Variants in ALDH4A1 observed in about 807,000 individuals in gnomAD.
ALDH4A1 encodes the protein delta-1-pyrroline-5-carboxylate dehydrogenase, mitochondrial.
In ALDH4A1, 46 loss-of-function variants were observed where a neutral mutation model predicts 70.5. The observed-to-expected ratio is 0.65, with a 90% CI of 0.51 to 0.83. The LOEUF is 0.83. Ranked by LOEUF, ALDH4A1 falls within the 40% of genes least tolerant of loss-of-function variation. ALDH4A1 has a pLI of 0.00. For synonymous variants in ALDH4A1, 323 were observed against 324.3 expected, an observed-to-expected ratio of 1.00 and a Z score of 0.04; for missense variants, 749 against 766.5, an observed-to-expected ratio of 0.98 and a Z score of 0.27.
chr1:18,872,721 C>A lies in ALDH4A1; in HGVS notation c.*124G>T, dbSNP rs1392288927. 4 of 749,522 alleles carry A rather than the reference C, an allele frequency of 5.3e-6. No individual in the cohort carries two copies. The highest frequency in any genetic ancestry group is 9.1e-6 in the Non-Finnish European group (4 of 439,136). The allele number at this position is 749,522 out of a possible 1,614,324, so 46.4% of individuals were successfully genotyped here. The stretch of plus-strand genomic sequence containing the variant: ...CAGAATACAGTGGTAAGAAGGGAGT[C>A]AAGCCCGGATTATAGAAAGGCAGCT... On this transcript the variant is annotated 3_prime_UTR_variant, in exon 15 of 15. Transcript: ENST00000375341.
chr1:18,895,137 G>A (rs1302356822), intron 1 of ALDH4A1, among the ~76,000 whole-genome samples: 1 of 152,160 alleles, frequency 6.6e-6, no homozygotes, highest in East Asian at 1.9e-4. Flanking sequence ...CGTTTTCCAA[G>A]CACCCAGGAA....
intron 1 of ALDH4A1, among the ~76,000 whole-genome samples, chr1:18,894,310 G>A (rs1935542073): frequency 6.6e-6 from 1 of 152,358 alleles, no homozygotes; most frequent in African/African-American, 2.4e-5. Context: ...GGAGGCTGAG[G>A]TGGGCGGATT....
In ALDH4A1 at chr1:18,887,986, G is replaced by C. The variant is rs74056678; in HGVS notation, c.249+1376C>G. Among the ~76,000 whole-genome samples the C allele has an allele frequency of 6.6e-3, 1,001 of 152,288 alleles. 13 individuals are homozygous for C. Among genetic ancestry groups the C allele is most frequent in the African/African-American group, 0.022 (921 of 41,546 alleles). On this transcript the variant is annotated intron_variant, in intron 3 of 14. Coordinates refer to ENST00000375341, the MANE Select transcript of ALDH4A1 (RefSeq NM_003748.4). ...AAATTTCACTTCTTTCCTTCCTAGG[G>C]CTGGCAAGATAGTTTATATCGTAAT...
Position 18,876,339 on chromosome 1 carries a change from G to C in ALDH4A1, c.1314C>G (p.Asp438Glu), listed in dbSNP as rs1330438587. 10 of 1,613,918 alleles carry C rather than the reference G, an allele frequency of 6.2e-6. No homozygotes were observed. The highest frequency in any genetic ancestry group is 8.5e-6 in the Non-Finnish European group (10 of 1,180,002). ...FVEPCIVESKDPQEPIMKEEI... is the reference protein window; with the variant it reads ...FVEPCIVESKEPQEPIMKEEI... ...CCTCCTTCATGATGGGCTCCTGAGG[G>C]TCCTTGCTCTCCACGATGCAGGGCT... Residue 438 changes from aspartate (D) to glutamate (E), a missense_variant, in exon 12 of 15, where the codon GAC (aspartate) becomes GAG (glutamate). Transcript: ENST00000375341.
intron 3 of ALDH4A1, among the ~76,000 whole-genome samples, chr1:18,888,074 A>T (rs1935289347): frequency 6.6e-6 from 1 of 152,238 alleles, no homozygotes; most frequent in Non-Finnish European, 1.5e-5. Context: ...TGTCTAAAAG[A>T]GTAGCCACGA....
chr1:18,884,471 T>A (rs922620051), intron 5 of ALDH4A1, among the ~76,000 whole-genome samples: 1 of 151,778 alleles, frequency 6.6e-6, no homozygotes, highest in Non-Finnish European at 1.5e-5. Context: ...TAACCCTTTC[T>A]CCCTCGACTC....
chr1:18,885,559 C>A lies in ALDH4A1; in HGVS notation c.367G>T (p.Asp123Tyr), dbSNP rs1935166925. 6.2e-7 allele frequency: 1 copy of A among 1,613,120 alleles called. No individual in the cohort carries two copies. Among genetic ancestry groups the A allele is most frequent in the Non-Finnish European group, 8.5e-7 (1 of 1,179,710 alleles). Reference protein sequence around the residue: ...RKEWDLKPIADRAQIFLKAAD... With the variant: ...RKEWDLKPIAYRAQIFLKAAD... Reference sequence around the variant, plus strand: ...GCCTTCAGGAAGATCTGGGCCCGGTCTGCAATAGGCTTCAGGTCCCACTCT... The same window carrying A: ...GCCTTCAGGAAGATCTGGGCCCGGTATGCAATAGGCTTCAGGTCCCACTCT... The change falls in exon 5 of 15, where the codon GAC becomes TAC. Residue 123 changes from aspartate to tyrosine, a missense_variant. Asp to Tyr is a radical substitution (Grantham distance 160, BLOSUM62 -3). Coordinates refer to ENST00000375341, the MANE Select transcript of ALDH4A1 (RefSeq NM_003748.4).
Position 18,880,141 on chromosome 1 carries a change from G to T in ALDH4A1, c.867-768C>A, listed in dbSNP as rs2100567776. 6.6e-6 allele frequency among the ~76,000 whole-genome samples: 1 copy of T among 152,262 alleles called. No homozygotes were observed. The highest frequency in any genetic ancestry group is 1.9e-4 in the East Asian group (1 of 5,164). The stretch of plus-strand genomic sequence containing the variant: ...TTTTGGAAAACGGCCCTTCTCAGCA[G>T]TTCTAACGCTGCCACCACCCACTCC... On this transcript the variant is annotated intron_variant, in intron 8 of 14. Coordinates refer to ENST00000375341, the MANE Select transcript of ALDH4A1 (RefSeq NM_003748.4). The surrounding 1 kb of genome is among the most constrained non-coding windows in gnomAD (Gnocchi z 5.1).
In ALDH4A1 at chr1:18,877,416, G is replaced by A. The variant is rs140704780; in HGVS notation, c.1137C>T (p.Asp379=). The change falls in exon 10 of 15, where the codon GAC becomes GAT. Residue 379 remains aspartate (D), a splice_region_variant and synonymous_variant. Coordinates refer to ENST00000375341, the MANE Select transcript of ALDH4A1 (RefSeq NM_003748.4). The stretch of plus-strand genomic sequence containing the variant: ...CGGCGGGGGTGACGGTGCCACTCAC[G>A]TCGCCCACTTTGATCCGACTGTGCT... ...LEEHSRIKVG[D]PAEDFGTFFS... is the part of the protein sequence containing the mutation. 325 of 1,567,174 alleles carry A rather than the reference G, an allele frequency of 2.1e-4. 2 individuals are homozygous for A. In the Middle Eastern group the frequency reaches 5.7e-3, roughly 27 times the overall value.
chr1:18,875,427 C>G lies in ALDH4A1; in HGVS notation c.1415G>C (p.Ser472Thr), dbSNP rs896966280. ...KYKETLQLVDSTTSYGLTGAV... is the reference protein window; with the variant it reads ...KYKETLQLVDTTTSYGLTGAV... ...CCCCGTGAGGCCATAGCTGGTGGTG[C>G]TGTCAACCAGCTGCAGCGTCTCCTT... The change falls in exon 13 of 15, where the codon AGC becomes ACC. Residue 472 changes from serine to threonine, a missense_variant. Physicochemically the swap from Ser to Thr is moderately conservative, Grantham distance 58. Coordinates refer to ENST00000375341, the MANE Select transcript of ALDH4A1 (RefSeq NM_003748.4). The G allele has an allele frequency of 6.2e-7, 1 of 1,614,052 alleles. No individual in the cohort carries two copies. The highest frequency in any genetic ancestry group is 8.5e-7 in the Non-Finnish European group (1 of 1,180,026).
At chr1:18,877,127 G>T in intron 11 of ALDH4A1, 81 bp downstream of exon 11, 1 of 1,535,162 alleles carries the variant, frequency 6.5e-7, no homozygotes, top group South Asian at 1.2e-5. Context: ...CCTGGGTCAG[G>T]GTACCCTGTA....
intron 7 of ALDH4A1, 50 bp from the exon 8 acceptor site, chr1:18,881,937 C>G: frequency 1.3e-6 from 2 of 1,536,642 alleles, no homozygotes; most frequent in African/African-American, 2.7e-5. Flanking sequence ...CACCAGCCCC[C>G]AACCCCCACC....
At chr1:18,893,004 C>T (rs1438340300) in intron 1 of ALDH4A1, among the ~76,000 whole-genome samples, 2 of 152,194 alleles carry the variant, frequency 1.3e-5, no homozygotes, top group South Asian at 4.1e-4. Flanking sequence ...GCTCCTGACC[C>T]TGCATTCAAG....
chr1:18,885,730 G>A (rs943572449), intron 4 of ALDH4A1, 102 bp from the exon 5 acceptor site: 92 of 1,506,026 alleles, frequency 6.1e-5, no homozygotes, highest in South Asian at 1.9e-4. Flanking sequence ...TCTTCCATCC[G>A]GGGACAATGC....
Position 18,877,563 on chromosome 1 carries a change from C to T in ALDH4A1, c.990G>A (p.Glu330=). The change falls in exon 10 of 15, where the codon GAG becomes GAA. Residue 330 remains glutamate (E), a synonymous_variant. Transcript: ENST00000375341. ...FHFVHRSADV[E]SVVSGTLRSA... is the part of the protein sequence containing the mutation. ...AGCGGAGGGTCCCGCTCACCACGCTCTCCACGTCGGCCGAGCGGTGCACGA... is the reference window on the plus strand; with the variant it reads ...AGCGGAGGGTCCCGCTCACCACGCTTTCCACGTCGGCCGAGCGGTGCACGA... 1.2e-6 allele frequency: 2 copies of T among 1,612,078 alleles called. No homozygotes were observed. The highest frequency in any genetic ancestry group is 8.5e-7 in the Non-Finnish European group (1 of 1,179,788).
At chr1:18,892,558 C>CA (rs1935474439) in intron 1 of ALDH4A1, among the ~76,000 whole-genome samples, 1 of 122,166 alleles carries the variant, frequency 8.2e-6, no homozygotes, top group African/African-American at 2.9e-5. Context: ...TAGAAGGAGG[C>CA]GGGGGGGGGC....
intron 1 of ALDH4A1, among the ~76,000 whole-genome samples, chr1:18,901,285 AC>A (rs2100621748): frequency 6.6e-6 from 1 of 152,228 alleles, no homozygotes; most frequent in South Asian, 2.1e-4. Context: ...CAGAGGACAC[AC>A]AGCAGTGTTG....
Position 18,900,426 on chromosome 1 carries a change from G to C in ALDH4A1, c.62+2036C>G, listed in dbSNP as rs555178072. Among the ~76,000 whole-genome samples the C allele has an allele frequency of 3.3e-5, 5 of 152,338 alleles. No homozygotes were observed. The South Asian group carries it at 1.0e-3, about 32-fold the overall frequency. Reference sequence around the variant, plus strand: ...ATCAAACATCAAAGCTGTTCCTCTAGAGCACTGGCTCTCAACCGGAGGTGA... The same window carrying C: ...ATCAAACATCAAAGCTGTTCCTCTACAGCACTGGCTCTCAACCGGAGGTGA... On this transcript the variant is annotated intron_variant, in intron 1 of 14. Coordinates refer to ENST00000375341, the MANE Select transcript of ALDH4A1 (RefSeq NM_003748.4).
chr1:18,885,427 T>C, intron 5 of ALDH4A1, 46 bp downstream of exon 5: 1 of 650,918 alleles, frequency 1.5e-6, no homozygotes, highest in South Asian at 1.5e-5. Context: ...CACACCTGAC[T>C]CCCACCCCAC....
Sources: allele counts gnomAD v4.1 joint callset (sites outside exome capture counted in the v4.1 genomes callset), GRCh38; gene constraint gnomAD v4.1.1; non-coding constraint Gnocchi (gnomAD v3.1); transcripts MANE v1.5; gene names NCBI Gene and HGNC (gene_info 2026-07-23, HGNC 2026-07-21).